Variants in TRIP12 observed in about 807,000 individuals in gnomAD.
The protein encoded by TRIP12 is thyroid hormone receptor interactor 12.
In TRIP12, 25 loss-of-function variants were observed where a neutral mutation model predicts 244.2. The observed-to-expected ratio is 0.10, with a 90% CI of 0.07 to 0.14. The LOEUF is 0.14. Ranked by LOEUF, TRIP12 falls within the 10% of genes least tolerant of loss-of-function variation. The probability of loss-of-function intolerance (pLI) is 1.00; values close to 1 mark genes in which losing one functional copy is unlikely to be tolerated. For synonymous variants in TRIP12, 905 were observed against 873.1 expected (o/e 1.04, Z -0.64); for missense variants, 1,677 against 2,486.4 (o/e 0.67, Z 6.92).
intron 2 of TRIP12, among the ~76,000 whole-genome samples, chr2:229,879,309 A>C (rs1461400268): frequency 1.3e-5 from 2 of 152,216 alleles, no homozygotes; most frequent in Non-Finnish European, 2.9e-5. Flanking sequence ...TGTTAGTCCC[A>C]AAATTAGAGA....
intron 33 of TRIP12, among the ~76,000 whole-genome samples, chr2:229,786,819 C>G (rs375782082): frequency 3.3e-5 from 5 of 152,152 alleles, no homozygotes; most frequent in African/African-American, 1.2e-4. Context: ...TATTTTATTA[C>G]TAATGTCTCT....
At chr2:229,810,113 A>G (rs1034037789) in intron 15 of TRIP12, among the ~76,000 whole-genome samples, 4 of 152,268 alleles carry the variant, frequency 2.6e-5, no homozygotes, top group African/African-American at 9.6e-5. Flanking sequence ...TAATCCTAGT[A>G]CTATGGGAGG....
intron 5 of TRIP12, among the ~76,000 whole-genome samples, chr2:229,838,202 A>T (rs924864776): frequency 5.9e-5 from 9 of 152,218 alleles, no homozygotes; most frequent in Non-Finnish European, 1.2e-4. Flanking sequence ...AATTTGCTTA[A>T]CTAATCTTTC....
intron 1 of TRIP12, among the ~76,000 whole-genome samples, chr2:229,887,309 T>C (rs2066240942): frequency 6.6e-6 from 1 of 152,214 alleles, no homozygotes; most frequent in Admixed American, 6.5e-5. Context: ...AGGTTGAGGA[T>C]GACCAGTCAC....
At chr2:229,868,180 C>T (rs1163619782) in intron 2 of TRIP12, among the ~76,000 whole-genome samples, 3 of 152,156 alleles carry the variant, frequency 2.0e-5, no homozygotes, top group African/African-American at 4.8e-5. Flanking sequence ...AATTACCCAG[C>T]CGATTCTAGA....
At chr2:229,824,538 G>T (rs908247404) in intron 8 of TRIP12, among the ~76,000 whole-genome samples, 4 of 152,020 alleles carry the variant, frequency 2.6e-5, no homozygotes, top group African/African-American at 9.7e-5. Context: ...AAACTCAAAT[G>T]TCCAACAGGG....
intron 37 of TRIP12, among the ~76,000 whole-genome samples, chr2:229,775,135 CAGTT>C (rs962956716): frequency 6.6e-6 from 1 of 151,708 alleles, no homozygotes; most frequent in African/African-American, 2.4e-5. Context: ...AAACTAGAAA[CAGTT>C]AGAATGTTCT....
At chr2:229,892,090 G>T (rs1024452542) in intron 1 of TRIP12, among the ~76,000 whole-genome samples, 1 of 152,172 alleles carries the variant, frequency 6.6e-6, no homozygotes, top group African/African-American at 2.4e-5. Context: ...TGTCAATACT[G>T]TTTGCTACAA....
At chr2:229,871,182 G>A (rs180885169) in intron 2 of TRIP12, among the ~76,000 whole-genome samples, 2 of 142,286 alleles carry the variant, frequency 1.4e-5, no homozygotes, top group East Asian at 2.2e-4. Flanking sequence ...AAGAAAAGAA[G>A]AGAGGGGAGG....
At chr2:229,891,924 A>C (rs1239726777) in intron 1 of TRIP12, among the ~76,000 whole-genome samples, 1 of 152,256 alleles carries the variant, frequency 6.6e-6, no homozygotes, top group East Asian at 1.9e-4. Context: ...TGTTCTCAGC[A>C]AAGGAACAGT....
At chr2:229,799,166 T>C (rs1446809798) in intron 22 of TRIP12, 117 bp from the exon 23 acceptor site, 4 of 1,522,384 alleles carry the variant, frequency 2.6e-6, no homozygotes, top group Non-Finnish European at 3.6e-6. Flanking sequence ...TAAGAACACT[T>C]AGTCCTCAGG....
intron 1 of TRIP12, among the ~76,000 whole-genome samples, chr2:229,885,456 A>T (rs929621770): frequency 2.6e-5 from 4 of 152,176 alleles, no homozygotes; most frequent in African/African-American, 9.7e-5. Flanking sequence ...CCCTGCATGA[A>T]ACAAGTAATG....
intron 32 of TRIP12, 110 bp from the exon 33 acceptor site, chr2:229,787,771 T>A: frequency 1.9e-6 from 2 of 1,036,910 alleles, no homozygotes; most frequent in South Asian, 1.8e-5. Flanking sequence ...TAGAAAATTG[T>A]AAATAAAATC....
intron 1 of TRIP12, among the ~76,000 whole-genome samples, chr2:229,892,400 T>C (rs1287407152): frequency 1.1e-4 from 17 of 152,114 alleles, no homozygotes; most frequent in Admixed American, 3.3e-4. Flanking sequence ...GAGAGAGAAG[T>C]AGTAAAAAGT....
At chr2:229,780,717 G>C (rs1260500681) in intron 34 of TRIP12, among the ~76,000 whole-genome samples, 1 of 152,156 alleles carries the variant, frequency 6.6e-6, no homozygotes, top group Admixed American at 6.6e-5. Flanking sequence ...TCCTCAGACT[G>C]CCCTACGCAT....
At chr2:229,897,233 T>G (rs879510199) in intron 1 of TRIP12, among the ~76,000 whole-genome samples, 8 of 152,240 alleles carry the variant, frequency 5.3e-5, no homozygotes, top group Non-Finnish European at 1.0e-4. Flanking sequence ...CAATTCTCAA[T>G]TTATATACAC....
chr2:229,858,896 T>C lies in TRIP12; in HGVS notation c.903A>G (p.Lys301=), dbSNP rs2060048721. 6.2e-7 allele frequency: 1 copy of C among 1,614,160 alleles called. No homozygotes were observed. Among genetic ancestry groups the C allele is most frequent in the African/African-American group, 1.3e-5 (1 of 75,034 alleles). The change falls in exon 4 of 42, where the codon AAA becomes AAG. Residue 301 remains lysine (K), a synonymous_variant. Transcript: ENST00000675903. ...GGCTGAAACGAGCAGCCCAATCAAA[T>C]TTTGAAGAGCCACCAGTTTTACTCT... ...KEQSKTGGSS[K]FDWAARFSPK...
chr2:229,844,672 T>C (rs1261188739), intron 4 of TRIP12, among the ~76,000 whole-genome samples: 1 of 152,224 alleles, frequency 6.6e-6, no homozygotes, highest in East Asian at 1.9e-4. Context: ...AATGTCAATG[T>C]ATTTGATAAG....
At chr2:229,905,269 C>T (rs1212968529) in intron 1 of TRIP12, among the ~76,000 whole-genome samples, 5 of 144,502 alleles carry the variant, frequency 3.5e-5, no homozygotes, top group East Asian at 2.0e-4. Flanking sequence ...AGCAAAACTC[C>T]GTCTCAAAAA....
Sources: gnomAD v4.1 joint callset for allele counts (sites outside exome capture counted in the v4.1 genomes callset) on GRCh38, gnomAD v4.1.1 for gene constraint, MANE v1.5 for transcripts, NCBI Gene and HGNC (gene_info 2026-07-23, HGNC 2026-07-21) for gene names.